ATF7IP: variants seen among roughly 807,000 people sequenced by gnomAD.
ATF7IP encodes the protein activating transcription factor 7 interacting protein, also known as activating transcription factor 7-interacting protein 1.
A neutral mutation model predicts 106.4 loss-of-function variants in ATF7IP; 23 were observed. The ratio of observed to expected loss-of-function variants is 0.22; its 90% CI spans 0.16 to 0.31. The LOEUF is 0.31. Among genes scored for constraint, ATF7IP ranks in the 10% least tolerant of loss-of-function variants. ATF7IP has a pLI of 1.00. For missense variants in ATF7IP, 1,334 were observed against 1,524.3 expected (o/e 0.88, Z 2.08); for synonymous variants, 542 against 539.0 (o/e 1.01, Z -0.08).
At chr12:14,406,299 A>G (rs1399371724) in intron 1 of ATF7IP, among the ~76,000 whole-genome samples, 1 of 151,922 alleles carries the variant, frequency 6.6e-6, no homozygotes, top group Non-Finnish European at 1.5e-5. Flanking sequence ...GGGTTTCGCC[A>G]TGTTGGCCAG....
chr12:14,494,333 ATGTGTG>A (rs1210425478), intron 13 of ATF7IP, among the ~76,000 whole-genome samples: 1 of 86,036 alleles, frequency 1.2e-5, no homozygotes, highest in African/African-American at 4.5e-5. Context: ...ATATATATAT[ATGTGTG>A]TGTGTATATG....
chr12:14,462,587 C>T (rs1001208067), intron 9 of ATF7IP, among the ~76,000 whole-genome samples: 5 of 151,960 alleles, frequency 3.3e-5, no homozygotes, highest in Non-Finnish European at 7.4e-5. Context: ...TAATGTCATG[C>T]TTGTACTCCA....
In ATF7IP at chr12:14,500,463, G is replaced by A. The variant is rs930314462; in HGVS notation, c.*2390G>A. On this transcript the variant is annotated 3_prime_UTR_variant, in exon 15 of 15. Coordinates refer to ENST00000261168, the MANE Select transcript of ATF7IP (RefSeq NM_018179.5). The stretch of plus-strand genomic sequence containing the variant: ...AATGATGATGGTAAAGAAGTTGCCA[G>A]TGTTATGGCAATGAAAATTTCAGAA... 1 of 152,198 alleles carries A rather than the reference G, an allele frequency of 6.6e-6. No homozygotes were observed. Among genetic ancestry groups the A allele is most frequent in the East Asian group, 1.9e-4 (1 of 5,202 alleles). The allele number at this position is 152,198 out of a possible 1,614,324, so 9.4% of individuals were successfully genotyped here.
chr12:14,378,631 T>A (rs1049064109), intron 1 of ATF7IP, among the ~76,000 whole-genome samples: 1 of 152,226 alleles, frequency 6.6e-6, no homozygotes, highest in Non-Finnish European at 1.5e-5. Context: ...ATTAAATCAT[T>A]CATTTAGTCT....
At chr12:14,483,929 G>A (rs1944506365) in intron 13 of ATF7IP, among the ~76,000 whole-genome samples, 1 of 152,168 alleles carries the variant, frequency 6.6e-6, no homozygotes, top group Non-Finnish European at 1.5e-5. Context: ...GGAATGCCAT[G>A]ACGGTGGATA....
chr12:14,478,598 ATG>A (rs1488986549), intron 12 of ATF7IP, 126 bp downstream of exon 12: 1 of 1,083,738 alleles, frequency 9.2e-7, no homozygotes. Context: ...ACTACAGTGC[ATG>A]TCCTTTTGAA....
chr12:14,442,824 TAAC>T (rs2136647946), intron 5 of ATF7IP, among the ~76,000 whole-genome samples: 1 of 152,264 alleles, frequency 6.6e-6, no homozygotes, highest in East Asian at 1.9e-4. Context: ...GTTTTTATGT[TAAC>T]AACCTTGTAC....
At chr12:14,473,652 C>A (rs898173485) in intron 10 of ATF7IP, among the ~76,000 whole-genome samples, 4 of 152,090 alleles carry the variant, frequency 2.6e-5, no homozygotes, top group Admixed American at 2.6e-4. Flanking sequence ...GTTGGTATTT[C>A]CTTTCAAACT....
rs1297410126 is a variant in ATF7IP at position 14,460,442 on chromosome 12, G to A, written c.2159-53G>A. ...AATTTGTGTCTGTCATATTTTCTTA[G>A]TTGATAAATTAATATAACCATTTAA... On this transcript the variant is annotated intron_variant, in intron 8 of 14. Transcript: ENST00000261168. 12 of 1,482,804 alleles carry A rather than the reference G, an allele frequency of 8.1e-6. No homozygotes were observed. In the East Asian group the frequency reaches 2.5e-4, roughly 31 times the overall value. The allele number at this position is 1,482,804 out of a possible 1,614,324, so 91.9% of individuals were successfully genotyped here.
At chr12:14,373,483 G>A (rs1859009332) in intron 1 of ATF7IP, among the ~76,000 whole-genome samples, 1 of 152,168 alleles carries the variant, frequency 6.6e-6, no homozygotes, top group Admixed American at 6.5e-5. Context: ...AGCATGATAT[G>A]GAAGTGGCAC....
Position 14,478,382 on chromosome 12 carries a change from T to C in ATF7IP, c.3007T>C (p.Leu1003=), listed in dbSNP as rs757545501. ...MSSSQPVSRP[L]QPIQPAPPLQ... Reference sequence around the variant, plus strand: ...TTCTTCTCAGCCTGTGTCACGACCATTGCAACCCATACAACCAGCACCGCC... The same window carrying C: ...TTCTTCTCAGCCTGTGTCACGACCACTGCAACCCATACAACCAGCACCGCC... The change falls in exon 12 of 15, where the codon TTG becomes CTG. Residue 1003 remains leucine, a synonymous_variant. Coordinates refer to ENST00000261168, the MANE Select transcript of ATF7IP (RefSeq NM_018179.5). 3.9e-5 allele frequency: 63 copies of C among 1,613,936 alleles called. No homozygotes were observed. The highest frequency in any genetic ancestry group is 5.3e-5 in the Non-Finnish European group (62 of 1,179,964).
chr12:14,409,684 G>T (rs1940798388), intron 1 of ATF7IP, among the ~76,000 whole-genome samples: 2 of 152,184 alleles, frequency 1.3e-5, no homozygotes, highest in South Asian at 4.1e-4. Flanking sequence ...CCAAGATGAG[G>T]ACATAAGAGA....
chr12:14,485,524 T>C (rs541546826), intron 13 of ATF7IP, among the ~76,000 whole-genome samples: 2 of 152,276 alleles, frequency 1.3e-5, no homozygotes, highest in South Asian at 4.1e-4. Flanking sequence ...ATCAGAATAG[T>C]GTCATCAGTG....
At chr12:14,448,878 GAT>G (rs1203154442) in intron 6 of ATF7IP, among the ~76,000 whole-genome samples, 3 of 152,060 alleles carry the variant, frequency 2.0e-5, no homozygotes, top group African/African-American at 7.2e-5. Context: ...TTGTAGTTTT[GAT>G]TTGCATTTCT....
At chr12:14,496,422 A>C (rs528917022) in intron 14 of ATF7IP, 79 bp downstream of exon 14, 1 of 905,416 alleles carries the variant, frequency 1.1e-6, no homozygotes. Flanking sequence ...TTTTTCTTTA[A>C]AATGGTTATA....
intron 1 of ATF7IP, among the ~76,000 whole-genome samples, chr12:14,373,837 A>C (rs1202543847): frequency 6.6e-6 from 1 of 151,944 alleles, no homozygotes; most frequent in Non-Finnish European, 1.5e-5. Flanking sequence ...AAATATTTAT[A>C]TTTGATAGAA....
chr12:14,391,778 A>G (rs142580127), intron 1 of ATF7IP, among the ~76,000 whole-genome samples: 2,370 of 152,234 alleles, frequency 0.016, 24 homozygotes, highest in Admixed American at 0.019. Context: ...CTGGAGTGCA[A>G]TGGTGCTATC....
intron 1 of ATF7IP, chr12:14,420,121 T>A (rs929609008): frequency 6.6e-6 from 1 of 152,162 alleles, no homozygotes; most frequent in Non-Finnish European, 1.5e-5. Flanking sequence ...ATGGGGAAAC[T>A]GTAAGGCACA....
chr12:14,490,601 C>T (rs1283762248), intron 13 of ATF7IP, among the ~76,000 whole-genome samples: 2 of 152,094 alleles, frequency 1.3e-5, no homozygotes, highest in Non-Finnish European at 1.5e-5. Context: ...GTGTACTTGC[C>T]GGTGGTGCCT....
Sources: allele counts gnomAD v4.1 joint callset (sites outside exome capture counted in the v4.1 genomes callset), GRCh38; gene constraint gnomAD v4.1.1; transcripts MANE v1.5; gene names NCBI Gene and HGNC (gene_info 2026-07-23, HGNC 2026-07-21).